Variants in KCNN3 observed in about 807,000 individuals in gnomAD.
The protein encoded by KCNN3 is potassium calcium-activated channel subfamily N member 3, also known as small conductance calcium-activated potassium channel protein 3.
KCNN3 carries 16 observed loss-of-function variants against 62.9 expected under a neutral mutation model. That is an observed-to-expected ratio of 0.25 (90% CI 0.17 to 0.39). KCNN3 has a LOEUF of 0.39. Among genes scored for constraint, KCNN3 ranks in the 10% least tolerant of loss-of-function variants. The probability of loss-of-function intolerance (pLI) is 1.00; values close to 1 mark genes in which losing one functional copy is unlikely to be tolerated. For missense variants in KCNN3, 599 were observed against 949.4 expected, an observed-to-expected ratio of 0.63 and a Z score of 4.85; for synonymous variants, 370 against 389.2, an observed-to-expected ratio of 0.95 and a Z score of 0.58.
intron 1 of KCNN3, among the ~76,000 whole-genome samples, chr1:154,840,699 T>C (rs1034598151): frequency 2.0e-5 from 3 of 152,236 alleles, no homozygotes; most frequent in Admixed American, 2.0e-4. Flanking sequence ...ATTTCCTTCC[T>C]GTCAGCCCAG....
At chr1:154,822,985 C>T (rs949243426) in intron 1 of KCNN3, among the ~76,000 whole-genome samples, 21 of 152,204 alleles carry the variant, frequency 1.4e-4, no homozygotes, top group African/African-American at 2.7e-4. Context: ...GACCTTGGAA[C>T]GCCCACTCCA....
chr1:154,790,019 C>T (rs150477698), intron 2 of KCNN3, among the ~76,000 whole-genome samples: 1,909 of 152,306 alleles, frequency 0.013, 38 homozygotes, highest in African/African-American at 0.044. Flanking sequence ...AGCAATTCTC[C>T]TGCCTCAGCT....
At chr1:154,821,998 G>A in intron 2 of KCNN3, 91 bp downstream of exon 2, 2 of 911,150 alleles carry the variant, frequency 2.2e-6, no homozygotes, top group Non-Finnish European at 3.6e-6. Flanking sequence ...TAGCTGCTAA[G>A]GGAGTGGGTT....
intron 2 of KCNN3, among the ~76,000 whole-genome samples, chr1:154,787,328 ACCAGGGCCAGGGCCAGGG>A (rs749891862): frequency 2.0e-5 from 3 of 152,052 alleles, no homozygotes; most frequent in African/African-American, 7.2e-5. Context: ...GGAGGGAGGG[ACCAGGGCCAGGGCCAGGG>A]CCAGGGCCAG....
chr1:154,787,715 C>T (rs145946871), intron 2 of KCNN3, among the ~76,000 whole-genome samples: 1 of 152,310 alleles, frequency 6.6e-6, no homozygotes, highest in Non-Finnish European at 1.5e-5. Flanking sequence ...AGTCACACCA[C>T]ACCCCGTGGA....
Position 154,699,471 on chromosome 1 carries a change from T to C in KCNN3, c.*8505A>G, listed in dbSNP as rs1317733340. ...CATACACGTCACACACACACATACA[T>C]ATTTATACTGACCTCTTTAGATTGA... is the stretch of plus-strand genomic sequence containing the variant. On this transcript the variant is annotated 3_prime_UTR_variant, in exon 8 of 8. Transcript: ENST00000271915. 3 of 152,212 alleles carry C rather than the reference T, an allele frequency of 2.0e-5. No homozygotes were observed. Among genetic ancestry groups the C allele is most frequent in the African/African-American group, 7.2e-5 (3 of 41,446 alleles). 9.4% of individuals were successfully genotyped at this position (152,212 alleles called of 1,614,324 possible). A position where few individuals can be genotyped will look rare whatever the true frequency, so the allele number is the denominator to read the frequency against.
intron 2 of KCNN3, among the ~76,000 whole-genome samples, chr1:154,801,184 T>C (rs1442065048): frequency 6.6e-6 from 1 of 152,138 alleles, no homozygotes; most frequent in Admixed American, 6.5e-5. Context: ...CAATTTTACC[T>C]GGAAAGCCCT....
chr1:154,800,686 G>A (rs1402276487), intron 2 of KCNN3, among the ~76,000 whole-genome samples: 2 of 152,136 alleles, frequency 1.3e-5, no homozygotes, highest in African/African-American at 2.4e-5. Context: ...GGCCCATTAA[G>A]CAGGAGTTCC....
At chr1:154,792,978 G>A (rs138524202) in intron 2 of KCNN3, among the ~76,000 whole-genome samples, 1 of 152,114 alleles carries the variant, frequency 6.6e-6, no homozygotes, top group Non-Finnish European at 1.5e-5. Context: ...CCAGAGAAAG[G>A]GGAGTTCCTT....
rs1311579181 is a variant in KCNN3, at chr1:154,701,277, G to C, written c.*6699C>G. On this transcript the variant is annotated 3_prime_UTR_variant, in exon 8 of 8. Transcript: ENST00000271915. ...AAATCTATGTGAATTTTCAGGGCTT[G>C]GGAAGGGAAGAGACACATAGGCTCA... 2 of 152,158 alleles carry C rather than the reference G, an allele frequency of 1.3e-5. No individual in the cohort carries two copies. The highest frequency in any genetic ancestry group is 2.9e-5 in the Non-Finnish European group (2 of 68,022). 9.4% of individuals were successfully genotyped at this position (152,158 alleles called of 1,614,324 possible). A position where few individuals can be genotyped will look rare whatever the true frequency, so the allele number is the denominator to read the frequency against.
At chr1:154,795,381 G>T (rs1403673196) in intron 2 of KCNN3, among the ~76,000 whole-genome samples, 1 of 152,198 alleles carries the variant, frequency 6.6e-6, no homozygotes, top group Non-Finnish European at 1.5e-5. Flanking sequence ...ACCCCACAAA[G>T]CCACCTCTGC....
chr1:154,833,324 C>A (rs1434956417), intron 1 of KCNN3, among the ~76,000 whole-genome samples: 1 of 152,192 alleles, frequency 6.6e-6, no homozygotes, highest in Non-Finnish European at 1.5e-5. Context: ...GTGAGAAAAA[C>A]AACCGCCTGC....
At chr1:154,723,683 C>A (rs1461731725) in intron 5 of KCNN3, among the ~76,000 whole-genome samples, 2 of 152,036 alleles carry the variant, frequency 1.3e-5, no homozygotes, top group Admixed American at 1.3e-4. Flanking sequence ...AAAAAGAAAA[C>A]CAGAATAAAC....
At chr1:154,826,073 ACAAAAACAAAAAC>A (rs1571314267) in intron 1 of KCNN3, among the ~76,000 whole-genome samples, 19 of 132,550 alleles carry the variant, frequency 1.4e-4, no homozygotes, top group Admixed American at 3.7e-4. Context: ...AAAAACAAAA[ACAAAAACAAAAAC>A]AAAAAAAACC....
At chr1:154,849,256 C>T (rs1359674265) in intron 1 of KCNN3, among the ~76,000 whole-genome samples, 1 of 152,230 alleles carries the variant, frequency 6.6e-6, no homozygotes, top group Non-Finnish European at 1.5e-5. Context: ...TTCCATCTTC[C>T]CCAAATGGAG....
chr1:154,822,064 G>T, intron 2 of KCNN3, 25 bp downstream of exon 2: 1 of 1,566,386 alleles, frequency 6.4e-7, no homozygotes, highest in South Asian at 1.1e-5. Context: ...GCCGCTGCAT[G>T]AAGGGGTGAG....
intron 2 of KCNN3, among the ~76,000 whole-genome samples, chr1:154,817,969 GAGCCTGC>G (rs1030211960): frequency 2.0e-5 from 3 of 152,162 alleles, no homozygotes; most frequent in African/African-American, 7.2e-5. Context: ...TGTAAAACGT[GAGCCTGC>G]AGCCTGGGGA....
intron 2 of KCNN3, among the ~76,000 whole-genome samples, chr1:154,821,841 A>G (rs1486687708): frequency 4.6e-5 from 7 of 152,212 alleles, no homozygotes; most frequent in Non-Finnish European, 8.8e-5. Context: ...ATGAAGCCCT[A>G]TGTTTGCCTC....
chr1:154,857,929 TGA>T (rs1652603001), intron 1 of KCNN3, among the ~76,000 whole-genome samples: 1 of 152,188 alleles, frequency 6.6e-6, no homozygotes, highest in Admixed American at 6.5e-5. Flanking sequence ...TCCCATGTAA[TGA>T]GAGCGGTGCC....
Sources: gnomAD v4.1 joint callset for allele counts (sites outside exome capture counted in the v4.1 genomes callset) on GRCh38, gnomAD v4.1.1 for gene constraint, MANE v1.5 for transcripts, NCBI Gene and HGNC (gene_info 2026-07-23, HGNC 2026-07-21) for gene names.